KRTAP20-2: variants seen among roughly 807,000 people sequenced by gnomAD.
The protein encoded by KRTAP20-2 is keratin-associated protein 20-2.
Under a neutral mutation model 5.2 loss-of-function variants are expected in KRTAP20-2, and 7 were observed. That is an observed-to-expected ratio of 1.36 (90% CI 0.77 to 2.55). KRTAP20-2 has a LOEUF of 2.55. Ranked by LOEUF, KRTAP20-2 falls within the 30% of genes most tolerant of loss-of-function variation. KRTAP20-2 has a pLI of 0.00. For missense variants in KRTAP20-2, 84 were observed against 84.0 expected (o/e 1.00, Z 0.00); for synonymous variants, 32 against 33.7 (o/e 0.95, Z 0.17).
In KRTAP20-2 at chr21:30,635,538, G is replaced by A; in HGVS notation, c.*77G>A. ...TTTGCCTTCATAATTCTTCATATGA[G>A]TAATTCATTTTTCTGTTGTAAAATG... is the stretch of plus-strand genomic sequence containing the variant. On this transcript the variant is annotated 3_prime_UTR_variant, in exon 1 of 1. Transcript: ENST00000330798. The A allele has an allele frequency of 2.2e-6, 3 of 1,390,188 alleles. No homozygotes were observed. Among genetic ancestry groups the A allele is most frequent in the South Asian group, 2.5e-5 (2 of 80,338 alleles). 86.1% of individuals were successfully genotyped at this position (1,390,188 alleles called of 1,614,324 possible).
In KRTAP20-2 at chr21:30,635,322, G is replaced by A; in HGVS notation, c.59G>A (p.Gly20Asp). The change falls in exon 1 of 1, where the codon GGT (glycine) becomes GAT (aspartate). Residue 20 changes from glycine to aspartate, a missense_variant. By Grantham distance (94) the Gly-to-Asp change is moderately conservative. Coordinates refer to ENST00000330798, the MANE Select transcript of KRTAP20-2 (RefSeq NM_181616.3). ...CGTTATGGCTATGGAGTCCTGGGCG[G>A]TGGCTATGGCTGTGGCTGTGGTTAT... ...GLRYGYGVLG[G>D]GYGCGCGYGH... The A allele has an allele frequency of 1.2e-6, 2 of 1,613,704 alleles. No homozygotes were observed. Among genetic ancestry groups the A allele is most frequent in the Non-Finnish European group, 1.7e-6 (2 of 1,179,574 alleles).
chr21:30,635,285 T>C lies in KRTAP20-2; in HGVS notation c.22T>C (p.Tyr8His). 6.2e-7 allele frequency: 1 copy of C among 1,614,158 alleles called. No individual in the cohort carries two copies. The highest frequency in any genetic ancestry group is 8.5e-7 in the Non-Finnish European group (1 of 1,179,986). ...AACCATGTGCTACTACAGCAACTAC[T>C]ATGGTGGTCTGCGTTATGGCTATGG... The part of the protein sequence containing the change: MCYYSNY[Y>H]GGLRYGYGVL... The change falls in exon 1 of 1, where the codon TAT becomes CAT. Residue 8 changes from tyrosine to histidine, a missense_variant. Physicochemically the swap from Tyr to His is moderately conservative, Grantham distance 83. Transcript: ENST00000330798.
chr21:30,635,445 C>T lies in KRTAP20-2; in HGVS notation c.182C>T (p.Ser61Phe), dbSNP rs762717402. 6.2e-7 allele frequency: 1 copy of T among 1,614,114 alleles called. No individual in the cohort carries two copies. The highest frequency in any genetic ancestry group is 1.1e-5 in the South Asian group (1 of 91,078). ...CCATCTTGCTATGGAAGATACTGGT[C>T]CTGTGGCTTCTACTGAGAAATATCT... ...CRPSCYGRYW[S>F]CGFY is the part of the protein sequence containing the mutation. The change falls in exon 1 of 1, where the codon TCC becomes TTC. Residue 61 changes from serine (S) to phenylalanine (F), a missense_variant. By Grantham distance (155) the Ser-to-Phe change is radical (BLOSUM62 -2). Transcript: ENST00000330798.
In KRTAP20-2 at chr21:30,635,484, C is replaced by T. The variant is rs777555299; in HGVS notation, c.*23C>T. The T allele has an allele frequency of 1.9e-6, 3 of 1,612,662 alleles. No individual in the cohort carries two copies. Among genetic ancestry groups the T allele is most frequent in the South Asian group, 1.1e-5 (1 of 91,030 alleles). On this transcript the variant is annotated 3_prime_UTR_variant, in exon 1 of 1. Transcript: ENST00000330798. ...TGAGAAATATCTGGCAACTCAACCTCGTGGTCTCTTCCACATGGACTTCCT... is the reference window on the plus strand; with the variant it reads ...TGAGAAATATCTGGCAACTCAACCTTGTGGTCTCTTCCACATGGACTTCCT...
Position 30,635,618 on chromosome 21 carries a change from C to G in KRTAP20-2, c.*157C>G. The G allele has an allele frequency of 1.5e-6, 1 of 673,888 alleles. No individual in the cohort carries two copies. The highest frequency in any genetic ancestry group is 2.6e-6 in the Non-Finnish European group (1 of 383,120). 41.7% of individuals were successfully genotyped at this position (673,888 alleles called of 1,614,324 possible). A position where few individuals can be genotyped will look rare whatever the true frequency, so the allele number is the denominator to read the frequency against. Reference sequence around the variant, plus strand: ...AAAATAGGTCAGATGCTGCAAGCCTCATCTAGAGTAACTGAAATCATTTGA... The same window carrying G: ...AAAATAGGTCAGATGCTGCAAGCCTGATCTAGAGTAACTGAAATCATTTGA... On this transcript the variant is annotated 3_prime_UTR_variant, in exon 1 of 1. Transcript: ENST00000330798.
chr21:30,635,333 T>C lies in KRTAP20-2; in HGVS notation c.70T>C (p.Cys24Arg). ...GYGVLGGGYG[C>R]GCGYGHGYGG... Reference sequence around the variant, plus strand: ...TGGAGTCCTGGGCGGTGGCTATGGCTGTGGCTGTGGTTATGGCCATGGCTA... The same window carrying C: ...TGGAGTCCTGGGCGGTGGCTATGGCCGTGGCTGTGGTTATGGCCATGGCTA... Residue 24 changes from cysteine to arginine, a missense_variant, in exon 1 of 1, where the codon TGT (cysteine) becomes CGT (arginine). By Grantham distance (180) the Cys-to-Arg change is radical. Coordinates refer to ENST00000330798, the MANE Select transcript of KRTAP20-2 (RefSeq NM_181616.3). 6.2e-7 allele frequency: 1 copy of C among 1,611,386 alleles called. No individual in the cohort carries two copies.
In KRTAP20-2 at chr21:30,635,584, C is replaced by A. The variant is rs1328186359; in HGVS notation, c.*123C>A. 2.1e-6 allele frequency: 2 copies of A among 963,318 alleles called. No homozygotes were observed. Among genetic ancestry groups the A allele is most frequent in the Non-Finnish European group, 1.6e-6 (1 of 628,310 alleles). The allele number at this position is 963,318 out of a possible 1,614,324, so 59.7% of individuals were successfully genotyped here. On this transcript the variant is annotated 3_prime_UTR_variant, in exon 1 of 1. Transcript: ENST00000330798. ...AAATGTCAACATCATCCTTAAGTATCTGGAAGAAAAAATAGGTCAGATGCT... is the reference window on the plus strand; with the variant it reads ...AAATGTCAACATCATCCTTAAGTATATGGAAGAAAAAATAGGTCAGATGCT...
Position 30,635,503 on chromosome 21 carries a change from A to T in KRTAP20-2, c.*42A>T, listed in dbSNP as rs1250800003. On this transcript the variant is annotated 3_prime_UTR_variant, in exon 1 of 1. Transcript: ENST00000330798. ...CAACCTCGTGGTCTCTTCCACATGG[A>T]CTTCCTAAATTTGCCTTCATAATTC... 1 of 1,595,288 alleles carries T rather than the reference A, an allele frequency of 6.3e-7. No individual in the cohort carries two copies. The highest frequency in any genetic ancestry group is 8.6e-7 in the Non-Finnish European group (1 of 1,166,454).
chr21:30,635,531 C>T lies in KRTAP20-2; in HGVS notation c.*70C>T. ...TCCTAAATTTGCCTTCATAATTCTT[C>T]ATATGAGTAATTCATTTTTCTGTTG... is the stretch of plus-strand genomic sequence containing the variant. On this transcript the variant is annotated 3_prime_UTR_variant, in exon 1 of 1. Transcript: ENST00000330798. The T allele has an allele frequency of 7.0e-7, 1 of 1,426,988 alleles. No individual in the cohort carries two copies. The highest frequency in any genetic ancestry group is 9.8e-7 in the Non-Finnish European group (1 of 1,023,422). 88.4% of individuals were successfully genotyped at this position (1,426,988 alleles called of 1,614,324 possible). A position where few individuals can be genotyped will look rare whatever the true frequency, so the allele number is the denominator to read the frequency against.
In KRTAP20-2 at chr21:30,635,607, G is replaced by T. The variant is rs891195917; in HGVS notation, c.*146G>T. The T allele has an allele frequency of 2.7e-6, 2 of 738,002 alleles. No homozygotes were observed. The allele number at this position is 738,002 out of a possible 1,614,324, so 45.7% of individuals were successfully genotyped here. ...ATCTGGAAGAAAAAATAGGTCAGAT[G>T]CTGCAAGCCTCATCTAGAGTAACTG... On this transcript the variant is annotated 3_prime_UTR_variant, in exon 1 of 1. Coordinates refer to ENST00000330798, the MANE Select transcript of KRTAP20-2 (RefSeq NM_181616.3).
Position 30,635,462 on chromosome 21 carries a change from G to C in KRTAP20-2, c.*1G>C. The stretch of plus-strand genomic sequence containing the variant: ...ATACTGGTCCTGTGGCTTCTACTGA[G>C]AAATATCTGGCAACTCAACCTCGTG... On this transcript the variant is annotated 3_prime_UTR_variant, in exon 1 of 1. Coordinates refer to ENST00000330798, the MANE Select transcript of KRTAP20-2 (RefSeq NM_181616.3). 6.2e-7 allele frequency: 1 copy of C among 1,613,956 alleles called. No individual in the cohort carries two copies. The highest frequency in any genetic ancestry group is 8.5e-7 in the Non-Finnish European group (1 of 1,179,812).
In KRTAP20-2 at chr21:30,635,511, A is replaced by T. The variant is rs1601094335; in HGVS notation, c.*50A>T. ...TGGTCTCTTCCACATGGACTTCCTA[A>T]ATTTGCCTTCATAATTCTTCATATG... On this transcript the variant is annotated 3_prime_UTR_variant, in exon 1 of 1. Coordinates refer to ENST00000330798, the MANE Select transcript of KRTAP20-2 (RefSeq NM_181616.3). 2 of 1,580,694 alleles carry T rather than the reference A, an allele frequency of 1.3e-6. No homozygotes were observed. The highest frequency in any genetic ancestry group is 2.7e-5 in the African/African-American group (2 of 74,118).
In KRTAP20-2 at chr21:30,635,336, G is replaced by A; in HGVS notation, c.73G>A (p.Gly25Ser). ...AGTCCTGGGCGGTGGCTATGGCTGT[G>A]GCTGTGGTTATGGCCATGGCTATGG... is the stretch of plus-strand genomic sequence containing the variant. ...YGVLGGGYGC[G>S]CGYGHGYGGL... Residue 25 changes from glycine (G) to serine (S), a missense_variant, in exon 1 of 1, where the codon GGC becomes AGC. Transcript: ENST00000330798. 1.2e-6 allele frequency: 2 copies of A among 1,611,922 alleles called. No homozygotes were observed. Among genetic ancestry groups the A allele is most frequent in the Non-Finnish European group, 1.7e-6 (2 of 1,177,986 alleles).
In KRTAP20-2 at chr21:30,635,241, C is replaced by T; in HGVS notation, c.-23C>T. On this transcript the variant is annotated 5_prime_UTR_variant, in exon 1 of 1. Transcript: ENST00000330798. ...AAGAAACTGATTCCTTGCTCCTCAA[C>T]CAAATCCTCCACTCTTGAAACCATG... 1 of 1,612,856 alleles carries T rather than the reference C, an allele frequency of 6.2e-7. No individual in the cohort carries two copies. The highest frequency in any genetic ancestry group is 8.5e-7 in the Non-Finnish European group (1 of 1,179,014).
chr21:30,635,594 A>C lies in KRTAP20-2; in HGVS notation c.*133A>C, dbSNP rs751556304. On this transcript the variant is annotated 3_prime_UTR_variant, in exon 1 of 1. Transcript: ENST00000330798. ...ATCATCCTTAAGTATCTGGAAGAAA[A>C]AATAGGTCAGATGCTGCAAGCCTCA... The C allele has an allele frequency of 3.5e-6, 3 of 853,906 alleles. No homozygotes were observed. Among genetic ancestry groups the C allele is most frequent in the South Asian group, 1.6e-5 (1 of 60,810 alleles). The allele number at this position is 853,906 out of a possible 1,614,324, so 52.9% of individuals were successfully genotyped here.
chr21:30,635,550 T>A lies in KRTAP20-2; in HGVS notation c.*89T>A. ...ATTCTTCATATGAGTAATTCATTTT[T>A]CTGTTGTAAAATGTCAACATCATCC... On this transcript the variant is annotated 3_prime_UTR_variant, in exon 1 of 1. Transcript: ENST00000330798. 2 of 1,318,470 alleles carry A rather than the reference T, an allele frequency of 1.5e-6. No homozygotes were observed. The highest frequency in any genetic ancestry group is 2.1e-6 in the Non-Finnish European group (2 of 933,590). 81.7% of individuals were successfully genotyped at this position (1,318,470 alleles called of 1,614,324 possible). A position where few individuals can be genotyped will look rare whatever the true frequency, so the allele number is the denominator to read the frequency against.
rs746282693 is a variant in KRTAP20-2 at position 30,635,485 on chromosome 21, G to A, written c.*24G>A. On this transcript the variant is annotated 3_prime_UTR_variant, in exon 1 of 1. Transcript: ENST00000330798. Reference sequence around the variant, plus strand: ...GAGAAATATCTGGCAACTCAACCTCGTGGTCTCTTCCACATGGACTTCCTA... The same window carrying A: ...GAGAAATATCTGGCAACTCAACCTCATGGTCTCTTCCACATGGACTTCCTA... 12 of 1,612,460 alleles carry A rather than the reference G, an allele frequency of 7.4e-6. No homozygotes were observed. Among genetic ancestry groups the A allele is most frequent in the East Asian group, 4.5e-5 (2 of 44,846 alleles).
In KRTAP20-2 at chr21:30,635,285, T is replaced by G; in HGVS notation, c.22T>G (p.Tyr8Asp). The change falls in exon 1 of 1, where the codon TAT (tyrosine) becomes GAT (aspartate). Residue 8 changes from tyrosine to aspartate, a missense_variant. Coordinates refer to ENST00000330798, the MANE Select transcript of KRTAP20-2 (RefSeq NM_181616.3). MCYYSNYYGGLRYGYGVL... is the reference protein window; with the variant it reads MCYYSNYDGGLRYGYGVL... ...AACCATGTGCTACTACAGCAACTAC[T>G]ATGGTGGTCTGCGTTATGGCTATGG... 1 of 1,614,158 alleles carries G rather than the reference T, an allele frequency of 6.2e-7. No homozygotes were observed. The highest frequency in any genetic ancestry group is 8.5e-7 in the Non-Finnish European group (1 of 1,179,986).
chr21:30,635,287 T>C lies in KRTAP20-2; in HGVS notation c.24T>C (p.Tyr8=). Residue 8 remains tyrosine, a synonymous_variant, in exon 1 of 1, where the codon TAT becomes TAC. Coordinates refer to ENST00000330798, the MANE Select transcript of KRTAP20-2 (RefSeq NM_181616.3). MCYYSNY[Y]GGLRYGYGVL... ...CCATGTGCTACTACAGCAACTACTA[T>C]GGTGGTCTGCGTTATGGCTATGGAG... The C allele has an allele frequency of 6.2e-7, 1 of 1,614,110 alleles. No homozygotes were observed. The highest frequency in any genetic ancestry group is 8.5e-7 in the Non-Finnish European group (1 of 1,179,962).
Sources: allele counts gnomAD v4.1 joint callset, GRCh38; gene constraint gnomAD v4.1.1; transcripts MANE v1.5; gene names NCBI Gene and HGNC (gene_info 2026-07-23, HGNC 2026-07-21).